Variants in CHD9 observed in about 807,000 individuals in gnomAD.
The protein encoded by CHD9 is ATP-dependent chromatin remodeler CHD9.
Under a neutral mutation model 316.1 loss-of-function variants are expected in CHD9, and 77 were observed. That is an observed-to-expected ratio of 0.24 (90% confidence interval 0.20 to 0.29). The LOEUF (loss-of-function observed/expected upper bound fraction) is 0.29. Among genes scored for constraint, CHD9 ranks in the 10% least tolerant of loss-of-function variants. The probability of loss-of-function intolerance (pLI) is 1.00; values close to 1 mark genes in which losing one functional copy is unlikely to be tolerated. For missense variants in CHD9, 2,763 were observed against 3,438.1 expected (o/e 0.80, Z 4.91); for synonymous variants, 1,129 against 1,158.3 (o/e 0.97, Z 0.51).
intron 1 of CHD9, among the ~76,000 whole-genome samples, chr16:53,060,948 C>T (rs1431895910): frequency 6.2e-5 from 7 of 112,882 alleles, no homozygotes; most frequent in African/African-American, 1.8e-4. Context: ...TTTTTTGAGA[C>T]GGAGTTTCAC....
chr16:53,184,392 A>G (rs1295657603), intron 2 of CHD9, among the ~76,000 whole-genome samples: 1 of 152,182 alleles, frequency 6.6e-6, no homozygotes, highest in Non-Finnish European at 1.5e-5. Context: ...TCTGGAGTGC[A>G]GTTAAATTTT....
At position 53,170,582 on chromosome 16, in the gene CHD9, TGTG is replaced by T. The variant is rs1567415730; in HGVS notation, c.1452+13042_1452+13044del. On this transcript the variant is annotated intron_variant, in intron 2 of 38. Coordinates refer to ENST00000447540, the MANE Select transcript of CHD9 (RefSeq NM_001308319.2). ...AGTACTAGTATTTTGTAATTTCGTG[TGTG>T]TGTGTGTGTGTGTGTGTGTGTGTGT... Among the ~76,000 whole-genome samples, 4 of 117,132 alleles carry T rather than the reference TGTG, an allele frequency of 3.4e-5. No homozygotes were observed. In the East Asian group the frequency reaches 7.8e-4, roughly 23 times the overall value. 76.8% of individuals were successfully genotyped at this position (117,132 alleles called of 152,430 possible). A position where few individuals can be genotyped will look rare whatever the true frequency, so the allele number is the denominator to read the frequency against.
chr16:53,222,833 T>C (rs2047359513), intron 4 of CHD9, 78 bp downstream of exon 4: 1 of 671,904 alleles, frequency 1.5e-6, no homozygotes, highest in African/African-American at 1.8e-5. Flanking sequence ...TATAGATATT[T>C]ACACTTTAGT....
At chr16:53,197,847 G>T (rs549268078) in intron 2 of CHD9, among the ~76,000 whole-genome samples, 50 of 151,994 alleles carry the variant, frequency 3.3e-4, no homozygotes, top group African/African-American at 1.1e-3. Flanking sequence ...TAGTAGACAC[G>T]GGGTTTCACC....
intron 2 of CHD9, among the ~76,000 whole-genome samples, chr16:53,170,198 G>A (rs1032231311): frequency 2.0e-5 from 3 of 151,448 alleles, no homozygotes; most frequent in African/African-American, 7.3e-5. Context: ...AATTAATCAC[G>A]GGGATTTTTA....
chr16:53,062,588 T>A (rs2033032524), intron 1 of CHD9, among the ~76,000 whole-genome samples: 1 of 151,400 alleles, frequency 6.6e-6, no homozygotes, highest in Non-Finnish European at 1.5e-5. Flanking sequence ...CAAAACATTT[T>A]AAAAATTACC....
At chr16:53,276,217 A>G (rs1227842456) in intron 24 of CHD9, among the ~76,000 whole-genome samples, 1 of 152,116 alleles carries the variant, frequency 6.6e-6, no homozygotes, top group Non-Finnish European at 1.5e-5. Flanking sequence ...CTAGATATCT[A>G]TTACAACCTC....
At chr16:53,060,365 G>A (rs2032721776) in intron 1 of CHD9, among the ~76,000 whole-genome samples, 1 of 152,098 alleles carries the variant, frequency 6.6e-6, no homozygotes, top group Admixed American at 6.6e-5. Flanking sequence ...TGTAGCCCCA[G>A]CACTTTGTGA....
At chr16:53,165,818 G>A (rs1236736614) in intron 2 of CHD9, among the ~76,000 whole-genome samples, 1 of 151,956 alleles carries the variant, frequency 6.6e-6, no homozygotes, top group East Asian at 1.9e-4. Flanking sequence ...AAAAGCATCA[G>A]ATGTACGCAC....
At chr16:53,165,424 T>C (rs975270798) in intron 2 of CHD9, among the ~76,000 whole-genome samples, 1 of 152,146 alleles carries the variant, frequency 6.6e-6, no homozygotes, top group African/African-American at 2.4e-5. Flanking sequence ...GGAATATATT[T>C]TAGCAAGACT....
intron 1 of CHD9, among the ~76,000 whole-genome samples, chr16:53,145,945 C>T (rs1401079118): frequency 6.6e-6 from 1 of 152,012 alleles, no homozygotes; most frequent in Non-Finnish European, 1.5e-5. Flanking sequence ...GGACATTATG[C>T]TAAGTGAAAC....
At chr16:53,208,343 GA>G in intron 2 of CHD9, 1 of 1,280,254 alleles carries the variant, frequency 7.8e-7, no homozygotes, top group Non-Finnish European at 1.0e-6. Context: ...AGGCCAAGAG[GA>G]AGGGTAAGTG....
chr16:53,113,116 C>T (rs1049140254), intron 1 of CHD9, among the ~76,000 whole-genome samples: 6 of 152,170 alleles, frequency 3.9e-5, no homozygotes, highest in African/African-American at 1.4e-4. Flanking sequence ...CCTGGGAGGC[C>T]GAGTTTGCAG....
At chr16:53,167,315 A>G (rs527883189) in intron 2 of CHD9, among the ~76,000 whole-genome samples, 1 of 152,268 alleles carries the variant, frequency 6.6e-6, no homozygotes, top group African/African-American at 2.4e-5. Context: ...TGTGTTTTAG[A>G]AATGTTGACT....
chr16:53,134,225 G>C (rs1350124938), intron 1 of CHD9, among the ~76,000 whole-genome samples: 1 of 152,198 alleles, frequency 6.6e-6, no homozygotes, highest in African/African-American at 2.4e-5. Context: ...CATGTTGTAA[G>C]TGCTTGGAAA....
At chr16:53,176,311 G>A (rs931392714) in intron 2 of CHD9, among the ~76,000 whole-genome samples, 1 of 152,128 alleles carries the variant, frequency 6.6e-6, no homozygotes, top group Non-Finnish European at 1.5e-5. Flanking sequence ...TAATGTTTTT[G>A]TTTTGTTTTG....
At chr16:53,249,799 T>C in intron 16 of CHD9, 72 bp from the exon 17 acceptor site, 1 of 1,221,050 alleles carries the variant, frequency 8.2e-7, no homozygotes, top group Non-Finnish European at 1.2e-6. Flanking sequence ...AAAACTGACT[T>C]TACATTTGAT....
rs754636848 is a variant in CHD9, at chr16:53,245,723, C to T, written c.3327C>T (p.Tyr1109=). 1.9e-6 allele frequency: 3 copies of T among 1,611,224 alleles called. No individual in the cohort carries two copies. Among genetic ancestry groups the T allele is most frequent in the South Asian group, 2.2e-5 (2 of 90,254 alleles). ...EVELTNIQKK[Y]YRAILEKNFS... Reference sequence around the variant, plus strand: ...AACTTACTAATATTCAAAAGAAATACTACCGGGCTATCTTGGAAAAGAACT... The same window carrying T: ...AACTTACTAATATTCAAAAGAAATATTACCGGGCTATCTTGGAAAAGAACT... Residue 1109 remains tyrosine (Y), a synonymous_variant, in exon 15 of 39, where the codon TAC becomes TAT. Transcript: ENST00000447540. This position sits in a 1 kb window ranked among gnomAD's most constrained non-coding sequence, Gnocchi z 4.1.
intron 1 of CHD9, among the ~76,000 whole-genome samples, chr16:53,100,451 G>A (rs1280587178): frequency 2.9e-5 from 3 of 102,730 alleles, no homozygotes; most frequent in Non-Finnish European, 4.9e-5. Context: ...AGACTCATTC[G>A]TCTTTTTTTT....
Sources: gnomAD v4.1 joint callset for allele counts (sites outside exome capture counted in the v4.1 genomes callset) on GRCh38, gnomAD v4.1.1 for gene constraint, Gnocchi (gnomAD v3.1) non-coding constraint, MANE v1.5 for transcripts, NCBI Gene and HGNC (gene_info 2026-07-23, HGNC 2026-07-21) for gene names.